The following ARHGAP32 variants were observed in gnomAD, a reference collection of about 807,000 sequenced individuals.
ARHGAP32 encodes the protein Rho GTPase activating protein 32.
ARHGAP32 carries 51 observed loss-of-function variants against 186.5 expected under a neutral mutation model. The ratio of observed to expected loss-of-function variants is 0.27; its 90% confidence interval spans 0.22 to 0.35. The LOEUF (loss-of-function observed/expected upper bound fraction) is 0.35. Among genes scored for constraint, ARHGAP32 ranks in the 10% least tolerant of loss-of-function variants. The pLI is 1.00. For missense variants in ARHGAP32, 2,186 were observed against 2,623.5 expected (o/e 0.83, Z 3.64); for synonymous variants, 950 against 964.3 (o/e 0.99, Z 0.27).
intron 1 of ARHGAP32, among the ~76,000 whole-genome samples, chr11:129,275,898 A>T (rs1218551680): frequency 6.6e-6 from 1 of 152,284 alleles, no homozygotes; most frequent in South Asian, 2.1e-4. Context: ...AATAATGCAG[A>T]CAAATTTAAA....
At chr11:129,256,196 G>C (rs1945251940) in intron 1 of ARHGAP32, among the ~76,000 whole-genome samples, 1 of 152,110 alleles carries the variant, frequency 6.6e-6, no homozygotes, top group African/African-American at 2.4e-5. Context: ...TTCACTTCTT[G>C]ATCAGATGCT....
At chr11:128,988,820 T>C (rs1945954197) in intron 12 of ARHGAP32, among the ~76,000 whole-genome samples, 1 of 152,224 alleles carries the variant, frequency 6.6e-6, no homozygotes, top group South Asian at 2.1e-4. Flanking sequence ...TGGACAGCTA[T>C]GCTGGGGCAT....
intron 2 of ARHGAP32, among the ~76,000 whole-genome samples, chr11:129,152,420 A>G (rs1456685985): frequency 6.6e-6 from 1 of 152,156 alleles, no homozygotes; most frequent in African/African-American, 2.4e-5. Context: ...AAACCAGGAA[A>G]GGACATAACA....
rs994914929 is a variant in ARHGAP32, at chr11:129,123,293, GAAGA to G, written c.444+149_444+152del. Among the ~76,000 whole-genome samples the G allele has an allele frequency of 6.6e-6, 1 of 151,216 alleles. No individual in the cohort carries two copies. The highest frequency in any genetic ancestry group is 1.5e-5 in the Non-Finnish European group (1 of 67,838). On this transcript the variant is annotated intron_variant, in intron 5 of 22. Coordinates refer to ENST00000682385, the MANE Select transcript of ARHGAP32 (RefSeq NM_001378024.1). This position sits in a 1 kb window ranked among gnomAD's most constrained non-coding sequence, Gnocchi z 4.6. ...ACATCAAGTATTTGTCAATAGAAGA[GAAGA>G]AAGATTTTACCTCAACCAATAAGAC... is the stretch of plus-strand genomic sequence containing the variant.
At chr11:129,230,527 T>G (rs1238956785) in intron 1 of ARHGAP32, among the ~76,000 whole-genome samples, 1 of 106,608 alleles carries the variant, frequency 9.4e-6, no homozygotes, top group East Asian at 2.7e-4. Flanking sequence ...AAAATTTGGT[T>G]ATAAAATATC....
intron 10 of ARHGAP32, among the ~76,000 whole-genome samples, chr11:129,053,376 T>C (rs1387633509): frequency 2.0e-5 from 3 of 152,162 alleles, no homozygotes; most frequent in East Asian, 3.8e-4. Context: ...GTACTTACTG[T>C]CTTTGTGAAA....
intron 6 of ARHGAP32, among the ~76,000 whole-genome samples, chr11:129,085,490 T>A (rs909332334): frequency 6.6e-6 from 1 of 152,324 alleles, no homozygotes; most frequent in South Asian, 2.1e-4. Context: ...AAATGTTGCA[T>A]GTTCATGAAT....
upstream of ARHGAP32, among the ~76,000 whole-genome samples, chr11:129,193,666 TTA>T (rs1491118311): frequency 6.6e-4 from 37 of 56,452 alleles, no homozygotes; most frequent in East Asian, 1.5e-3. Context: ...ACAATATATA[TTA>T]TATATAATAT....
chr11:129,130,630 A>T (rs1485715300), intron 2 of ARHGAP32, among the ~76,000 whole-genome samples: 1 of 152,146 alleles, frequency 6.6e-6, no homozygotes, highest in Non-Finnish European at 1.5e-5. Flanking sequence ...TTATTCATCA[A>T]GAAAAAGCAA....
In ARHGAP32 at chr11:128,998,775, T is replaced by G. The variant is rs1260998125; in HGVS notation, c.1046-307A>C. 6.6e-5 allele frequency among the ~76,000 whole-genome samples: 10 copies of G among 152,330 alleles called. No individual in the cohort carries two copies. In the East Asian group the frequency reaches 1.9e-3, roughly 29 times the overall value. ...ATTTATTAGTTCCCCAAATTAATAC[T>G]TTTATAATTTCTTATGCCTGTCTTT... On this transcript the variant is annotated intron_variant, in intron 11 of 22. Transcript: ENST00000682385.
At chr11:129,099,263 C>T (rs1324848706) in intron 5 of ARHGAP32, among the ~76,000 whole-genome samples, 1 of 152,112 alleles carries the variant, frequency 6.6e-6, no homozygotes, top group African/African-American at 2.4e-5. Flanking sequence ...TCACAGTGGG[C>T]CCATAAGATT....
chr11:128,988,893 C>T (rs1345742264), intron 12 of ARHGAP32, among the ~76,000 whole-genome samples: 1 of 152,192 alleles, frequency 6.6e-6, no homozygotes, highest in Non-Finnish European at 1.5e-5. Flanking sequence ...CAAACATTTA[C>T]AGCAGCTGAG....
intron 12 of ARHGAP32, among the ~76,000 whole-genome samples, chr11:128,990,398 C>T (rs990561902): frequency 4.6e-5 from 7 of 152,166 alleles, no homozygotes; most frequent in Admixed American, 1.3e-4. Context: ...GAACACCGTC[C>T]TGACACAATG....
At chr11:129,074,516 T>C (rs1163816359) in intron 6 of ARHGAP32, among the ~76,000 whole-genome samples, 1 of 152,176 alleles carries the variant, frequency 6.6e-6, no homozygotes. Context: ...TTTTTTGAGA[T>C]GGAGTCTCGC....
At chr11:129,072,648 G>T (rs1290405489) in intron 6 of ARHGAP32, among the ~76,000 whole-genome samples, 1 of 152,136 alleles carries the variant, frequency 6.6e-6, no homozygotes, top group Non-Finnish European at 1.5e-5. Flanking sequence ...CAGTGCTAGG[G>T]TAGGAAAACT....
In ARHGAP32 at chr11:129,122,898, T is replaced by A. The variant is rs114356328; in HGVS notation, c.444+548A>T. On this transcript the variant is annotated intron_variant, in intron 5 of 22. Transcript: ENST00000682385. Reference sequence around the variant, plus strand: ...TTTTTAAATAACCACAATCTAGCTATTTTTTAGGTTTTTAATAGTTTTTTC... The same window carrying A: ...TTTTTAAATAACCACAATCTAGCTAATTTTTAGGTTTTTAATAGTTTTTTC... Among the ~76,000 whole-genome samples the A allele has an allele frequency of 2.2e-3, 333 of 152,248 alleles. 1 individual carries two copies. The highest frequency in any genetic ancestry group is 7.6e-3 in the African/African-American group (314 of 41,548).
intron 1 of ARHGAP32, among the ~76,000 whole-genome samples, chr11:129,278,863 G>A (rs970685046): frequency 6.6e-6 from 1 of 150,584 alleles, no homozygotes; most frequent in Non-Finnish European, 1.5e-5. Flanking sequence ...AGAGCGCTGC[G>A]GCAGGCCAGA....
upstream of ARHGAP32, among the ~76,000 whole-genome samples, chr11:129,194,106 A>C (rs191360359): frequency 1.5e-3 from 221 of 152,278 alleles, no homozygotes; most frequent in Non-Finnish European, 1.8e-3. Flanking sequence ...AGGTTTTAAC[A>C]AACTGAAAGA....
intron 11 of ARHGAP32, among the ~76,000 whole-genome samples, chr11:129,036,948 T>C (rs1405807842): frequency 6.6e-6 from 1 of 152,202 alleles, no homozygotes; most frequent in African/African-American, 2.4e-5. Flanking sequence ...TACCATAATC[T>C]TGTATATAGA....
Sources: allele counts gnomAD v4.1 joint callset (sites outside exome capture counted in the v4.1 genomes callset), GRCh38; gene constraint gnomAD v4.1.1; non-coding constraint Gnocchi (gnomAD v3.1); transcripts MANE v1.5; gene names NCBI Gene and HGNC (gene_info 2026-07-23, HGNC 2026-07-21).